The following CPA6 variants were observed in gnomAD, a reference collection of about 807,000 sequenced individuals.
The protein encoded by CPA6 is carboxypeptidase A6, also known as carboxypeptidase B.
In CPA6, 58 loss-of-function variants were observed where a neutral mutation model predicts 63.3. The ratio of observed to expected loss-of-function variants is 0.92; its 90% CI spans 0.74 to 1.14. CPA6 has a LOEUF of 1.14. CPA6 is among the 50% of genes most tolerant of loss of function. The pLI is 0.00. For missense variants in CPA6, 565 were observed against 526.6 expected (o/e 1.07, Z -0.71); for synonymous variants, 185 against 179.0 (o/e 1.03, Z -0.27).
At chr8:67,720,189 G>A (rs1817467502) in intron 1 of CPA6, among the ~76,000 whole-genome samples, 1 of 145,640 alleles carries the variant, frequency 6.9e-6, no homozygotes, top group South Asian at 2.1e-4. Context: ...CAGTGGGGGT[G>A]CTTTTTGAGC....
chr8:67,719,299 G>A (rs575239503), intron 1 of CPA6, among the ~76,000 whole-genome samples: 1 of 152,204 alleles, frequency 6.6e-6, no homozygotes, highest in Admixed American at 6.5e-5. Context: ...TGAAGGTCAG[G>A]GACAACTCAG....
intron 1 of CPA6, among the ~76,000 whole-genome samples, chr8:67,642,330 AAAT>A (rs1478789210): frequency 2.4e-4 from 37 of 151,812 alleles, no homozygotes; most frequent in Middle Eastern, 3.4e-3. Flanking sequence ...AAAAAAAAAA[AAAT>A]ATTGATTAAA....
intron 3 of CPA6, 116 bp downstream of exon 3, chr8:67,517,807 T>C (rs941601441): frequency 1.8e-6 from 2 of 1,086,286 alleles, no homozygotes; most frequent in Non-Finnish European, 2.6e-6. Context: ...TTTCCCCATA[T>C]GAAAAATTGT....
chr8:67,515,041 T>C (rs954858261), intron 3 of CPA6, among the ~76,000 whole-genome samples: 1 of 152,202 alleles, frequency 6.6e-6, no homozygotes, highest in Non-Finnish European at 1.5e-5. Flanking sequence ...AACCCTTGGC[T>C]CAGCCCTCTA....
intron 2 of CPA6, among the ~76,000 whole-genome samples, chr8:67,589,876 TTTATTATTATTA>T (rs754237347): frequency 6.6e-6 from 1 of 150,752 alleles, no homozygotes; most frequent in African/African-American, 2.4e-5. Flanking sequence ...TAGTGTTGTT[TTTATTATTATTA>T]TTATTATTAT....
chr8:67,655,016 A>G (rs993966036), intron 1 of CPA6, among the ~76,000 whole-genome samples: 1 of 152,186 alleles, frequency 6.6e-6, no homozygotes, highest in Non-Finnish European at 1.5e-5. Context: ...GTAGAATAAA[A>G]TTAGTTAGCA....
chr8:67,731,135 T>C (rs1817697788), intron 1 of CPA6, among the ~76,000 whole-genome samples: 1 of 152,236 alleles, frequency 6.6e-6, no homozygotes, highest in African/African-American at 2.4e-5. Context: ...TTTTTTCTTA[T>C]TAAGATTCCT....
At chr8:67,483,631 G>A (rs577479703) in intron 8 of CPA6, 137 bp downstream of exon 8, 13 of 769,864 alleles carry the variant, frequency 1.7e-5, no homozygotes, top group Middle Eastern at 2.3e-4. Flanking sequence ...TATCATGTAC[G>A]TATCTGTACC....
At chr8:67,723,157 T>A (rs1563408794) in intron 1 of CPA6, among the ~76,000 whole-genome samples, 1 of 152,210 alleles carries the variant, frequency 6.6e-6, no homozygotes, top group Non-Finnish European at 1.5e-5. Context: ...ATATCATGAT[T>A]TTTCTATTGT....
At chr8:67,437,240 A>C (rs576440373) in intron 8 of CPA6, among the ~76,000 whole-genome samples, 1 of 152,214 alleles carries the variant, frequency 6.6e-6, no homozygotes, top group South Asian at 2.1e-4. Flanking sequence ...CTAAAAATAC[A>C]AAAAATTAGC....
At chr8:67,667,378 G>A (rs1816253848) in intron 1 of CPA6, among the ~76,000 whole-genome samples, 1 of 152,146 alleles carries the variant, frequency 6.6e-6, no homozygotes, top group Admixed American at 6.5e-5. Context: ...AGCAGGCTGA[G>A]CAGGCCAGTG....
chr8:67,611,364 G>A (rs2128985106), intron 2 of CPA6, among the ~76,000 whole-genome samples: 1 of 152,264 alleles, frequency 6.6e-6, no homozygotes, highest in African/African-American at 2.4e-5. Context: ...GATTACAGGT[G>A]TGAGGGATTA....
intron 1 of CPA6, among the ~76,000 whole-genome samples, chr8:67,634,109 A>G (rs569341375): frequency 1.3e-5 from 2 of 151,320 alleles, no homozygotes; most frequent in East Asian, 1.9e-4. Context: ...TTCCTAATCC[A>G]CTAGTGTTAA....
At chr8:67,741,734 G>T (rs970264662) in intron 1 of CPA6, among the ~76,000 whole-genome samples, 19 of 152,184 alleles carry the variant, frequency 1.2e-4, no homozygotes, top group Admixed American at 2.6e-4. Flanking sequence ...AGATGGGACT[G>T]CCTAGTTGCA....
At chr8:67,563,315 T>C (rs1304288409) in intron 2 of CPA6, among the ~76,000 whole-genome samples, 1 of 152,214 alleles carries the variant, frequency 6.6e-6, no homozygotes, top group East Asian at 1.9e-4. Context: ...CTGATGGTTC[T>C]GCTTCTTATG....
intron 1 of CPA6, among the ~76,000 whole-genome samples, chr8:67,714,467 G>A (rs539968215): frequency 2.6e-5 from 4 of 152,120 alleles, no homozygotes; most frequent in South Asian, 2.1e-4. Flanking sequence ...CTAGCACTTC[G>A]GGAGCCCGAG....
At chr8:67,607,873 T>C (rs1814707076) in intron 2 of CPA6, among the ~76,000 whole-genome samples, 1 of 152,210 alleles carries the variant, frequency 6.6e-6, no homozygotes, top group African/African-American at 2.4e-5. Context: ...CTACTAGTTG[T>C]GGTGATGCTC....
chr8:67,655,227 A>G (rs938670667), intron 1 of CPA6, among the ~76,000 whole-genome samples: 5 of 152,178 alleles, frequency 3.3e-5, no homozygotes, highest in African/African-American at 1.2e-4. Flanking sequence ...AAAAGACAGT[A>G]CCAACATGCT....
chr8:67,702,691 G>A (rs1013229780), intron 1 of CPA6, among the ~76,000 whole-genome samples: 3 of 152,096 alleles, frequency 2.0e-5, no homozygotes, highest in African/African-American at 4.8e-5. Context: ...AGGGAAAAAC[G>A]CCTCAAGTGA....
Sources: gnomAD v4.1 joint callset for allele counts (sites outside exome capture counted in the v4.1 genomes callset) on GRCh38, gnomAD v4.1.1 for gene constraint, MANE v1.5 for transcripts, NCBI Gene and HGNC (gene_info 2026-07-23, HGNC 2026-07-21) for gene names.